The following POLR1B variants were observed in gnomAD, a reference collection of about 807,000 sequenced individuals.
POLR1B encodes RNA polymerase I subunit B, also known as DNA-directed RNA polymerase I subunit RPA2.
Under a neutral mutation model 105.8 loss-of-function variants are expected in POLR1B, and 30 were observed. That is an observed-to-expected ratio of 0.28 (90% CI 0.21 to 0.38). The LOEUF (loss-of-function observed/expected upper bound fraction) is 0.38, where lower values mean the gene tolerates loss of function less well. Ranked by LOEUF, POLR1B falls within the 10% of genes least tolerant of loss-of-function variation. POLR1B has a pLI of 1.00. For missense variants in POLR1B, 976 were observed against 1,435.8 expected, an observed-to-expected ratio of 0.68 and a Z score of 5.17; for synonymous variants, 485 against 505.1, an observed-to-expected ratio of 0.96 and a Z score of 0.53.
intron 12 of POLR1B, among the ~76,000 whole-genome samples, chr2:112,569,245 C>T (rs372017622): frequency 4.6e-5 from 7 of 152,118 alleles, no homozygotes; most frequent in Non-Finnish European, 7.4e-5. Context: ...TATAGTCACC[C>T]GCATATTTAT....
chr2:112,567,092 T>C (rs1332922203), intron 10 of POLR1B, among the ~76,000 whole-genome samples: 1 of 152,162 alleles, frequency 6.6e-6, no homozygotes, highest in Non-Finnish European at 1.5e-5. Context: ...TCTGCTCTCT[T>C]AGTAAATTTC....
rs529252659 is a variant in POLR1B at position 112,574,868 on chromosome 2, G to T, written c.2547G>T (p.Val849=). Residue 849 remains valine, a synonymous_variant, in exon 15 of 15, where the codon GTG becomes GTT. Coordinates refer to ENST00000263331, the MANE Select transcript of POLR1B (RefSeq NM_019014.6). ...MYYKSKENCV[V]DNIKVCSNDT... ...CTAGGAGTAAAGAAAATTGTGTTGT[G>T]GATAACATCAAAGTGTGCAGTAATG... 4 of 1,610,412 alleles carry T rather than the reference G, an allele frequency of 2.5e-6. No homozygotes were observed. The East Asian group carries it at 8.9e-5, about 36-fold the overall frequency.
At chr2:112,563,115 C>T (rs1412581382) in intron 9 of POLR1B, among the ~76,000 whole-genome samples, 4 of 147,872 alleles carry the variant, frequency 2.7e-5, no homozygotes, top group Admixed American at 1.4e-4. Flanking sequence ...AGTGCAGTGG[C>T]GTGATCTCGG....
In POLR1B at chr2:112,552,692, T is replaced by C. The variant is rs745461866; in HGVS notation, c.1034T>C (p.Met345Thr). 1.2e-6 allele frequency: 2 copies of C among 1,610,768 alleles called. No individual in the cohort carries two copies. Among genetic ancestry groups the C allele is most frequent in the African/African-American group, 1.3e-5 (1 of 74,706 alleles). ...AAATCCAATACTGAAAAGTTTTATA[T>C]GCTTTGTCTCATGACGCGAAAGCTC... is the stretch of plus-strand genomic sequence containing the variant. Reference protein sequence around the residue: ...HLKSNTEKFYMLCLMTRKLFA... With the variant: ...HLKSNTEKFYTLCLMTRKLFA... Residue 345 changes from methionine (M) to threonine (T), a missense_variant, in exon 7 of 15, where the codon ATG (methionine) becomes ACG (threonine). Met to Thr is a moderately conservative substitution (Grantham distance 81, BLOSUM62 -1). Around this residue, in one of 12 missense-constraint regions of POLR1B, gnomAD observed 452 missense variants for 616.5 expected, o/e 0.73. Transcript: ENST00000263331.
chr2:112,547,150 C>G lies in POLR1B; in HGVS notation c.316C>G (p.Arg106Gly). Reference protein sequence around the residue: ...ANVYPAECRGRRSTYRGKLTA... With the variant: ...ANVYPAECRGGRSTYRGKLTA... ...TGTTTATCCAGCAGAATGCCGGGGC[C>G]GAAGGAGTACCTACCGTGGGAAGTT... Residue 106 changes from arginine (R) to glycine (G), a missense_variant, in exon 2 of 15, where the codon CGA (arginine) becomes GGA (glycine). By Grantham distance (125) the Arg-to-Gly change is moderately radical. Transcript: ENST00000263331. 1 of 1,614,054 alleles carries G rather than the reference C, an allele frequency of 6.2e-7. No homozygotes were observed. The highest frequency in any genetic ancestry group is 8.5e-7 in the Non-Finnish European group (1 of 1,180,012).
chr2:112,571,750 T>C (rs199902824), intron 12 of POLR1B, among the ~76,000 whole-genome samples: 1 of 152,212 alleles, frequency 6.6e-6, no homozygotes, highest in East Asian at 1.9e-4. Flanking sequence ...CCAGTAAGAT[T>C]GTGGGTTTCT....
chr2:112,542,617 G>T lies in POLR1B; in HGVS notation c.123G>T (p.Ala41=). ...QKAALQELTR[A]HVESFNYAVH... ...CAGCGTTGCAGGAGCTGACGCGGGC[G>T]CACGTGGAGTCCTTCAACTACGCTG... Residue 41 remains alanine, a synonymous_variant, in exon 1 of 15, where the codon GCG becomes GCT. Coordinates refer to ENST00000263331, the MANE Select transcript of POLR1B (RefSeq NM_019014.6). 6.2e-7 allele frequency: 1 copy of T among 1,614,144 alleles called. No individual in the cohort carries two copies. The highest frequency in any genetic ancestry group is 8.5e-7 in the Non-Finnish European group (1 of 1,180,032).
intron 1 of POLR1B, among the ~76,000 whole-genome samples, chr2:112,543,488 A>T (rs1408348572): frequency 6.6e-6 from 1 of 152,164 alleles, no homozygotes; most frequent in East Asian, 1.9e-4. Flanking sequence ...GAGTTTGAGA[A>T]AGGGCAGGAT....
Position 112,577,010 on chromosome 2 carries a change from T to C in POLR1B, c.*1281T>C, listed in dbSNP as rs2104588321. On this transcript the variant is annotated 3_prime_UTR_variant, in exon 15 of 15. Transcript: ENST00000263331. ...TATTGTATGGATTTACCATCCCCTG[T>C]GTATTTAAGTTGTTCCATTCTTTGG... The C allele has an allele frequency of 6.6e-6, 1 of 152,384 alleles. No homozygotes were observed. The highest frequency in any genetic ancestry group is 2.4e-5 in the African/African-American group (1 of 41,584). The allele number at this position is 152,384 out of a possible 1,614,324, so 9.4% of individuals were successfully genotyped here.
rs1455719179 is a variant in POLR1B, at chr2:112,573,691, C to G, written c.2401C>G (p.Pro801Ala). ...GGTGTTTGGCATCAAACCTGGTGAC[C>G]CACGCGTTCTGCAGAAGTTAGATGA... ...SLVFGIKPGDPRVLQKLDDDG... is the reference protein window; with the variant it reads ...SLVFGIKPGDARVLQKLDDDG... The change falls in exon 14 of 15, where the codon CCA becomes GCA. Residue 801 changes from proline (P) to alanine (A), a missense_variant. Physicochemically the swap from Pro to Ala is conservative, Grantham distance 27 (BLOSUM62 -1). Coordinates refer to ENST00000263331, the MANE Select transcript of POLR1B (RefSeq NM_019014.6). 1 of 1,614,124 alleles carries G rather than the reference C, an allele frequency of 6.2e-7. No homozygotes were observed. The highest frequency in any genetic ancestry group is 1.7e-5 in the Admixed American group (1 of 60,018).
In POLR1B at chr2:112,552,764, T is replaced by C. The variant is rs772158045; in HGVS notation, c.1106T>C (p.Leu369Ser). 1 of 1,609,660 alleles carries C rather than the reference T, an allele frequency of 6.2e-7. No individual in the cohort carries two copies. Among genetic ancestry groups the C allele is most frequent in the East Asian group, 2.2e-5 (1 of 44,706 alleles). The change falls in exon 7 of 15, where the codon TTG becomes TCG. Residue 369 changes from leucine (L) to serine (S), a missense_variant. Leu to Ser is a moderately radical substitution (Grantham distance 145). Coordinates refer to ENST00000263331, the MANE Select transcript of POLR1B (RefSeq NM_019014.6). ...TGCATGGAGGACAATCCTGATAGTT[T>C]GGTGAACCAGGAAGTCCTCACACCG... ...GECMEDNPDS[L>S]VNQEVLTPGQ... is the part of the protein sequence containing the mutation.
intron 7 of POLR1B, among the ~76,000 whole-genome samples, chr2:112,554,371 G>T (rs1045980795): frequency 6.6e-6 from 1 of 152,008 alleles, no homozygotes; most frequent in African/African-American, 2.4e-5. Context: ...GACCTCAAGT[G>T]AGCCACCCAC....
rs752270399 is a variant in POLR1B at position 112,576,396 on chromosome 2, TAAC to T, written c.*670_*672del. ...ACACTTAACTCAAGACCTACCCTCT[TAAC>T]AAATCTTTAAGTGCACGATATAGTA... is the stretch of plus-strand genomic sequence containing the variant. On this transcript the variant is annotated 3_prime_UTR_variant, in exon 15 of 15. Coordinates refer to ENST00000263331, the MANE Select transcript of POLR1B (RefSeq NM_019014.6). 2 of 152,264 alleles carry T rather than the reference TAAC, an allele frequency of 1.3e-5. No homozygotes were observed. The highest frequency in any genetic ancestry group is 2.9e-5 in the Non-Finnish European group (2 of 68,076). 9.4% of individuals were successfully genotyped at this position (152,264 alleles called of 1,614,324 possible). A position where few individuals can be genotyped will look rare whatever the true frequency, so the allele number is the denominator to read the frequency against.
In POLR1B at chr2:112,561,411, C is replaced by G. The variant is rs373475279; in HGVS notation, c.1612+1837C>G. Among the ~76,000 whole-genome samples, 6 of 151,990 alleles carry G rather than the reference C, an allele frequency of 3.9e-5. No homozygotes were observed. In the South Asian group the frequency reaches 1.2e-3, roughly 31 times the overall value. Reference sequence around the variant, plus strand: ...CACGAGGCAGGTAACTTCTGACACTCTAACAAACACTTGATGTCTTCAGAA... The same window carrying G: ...CACGAGGCAGGTAACTTCTGACACTGTAACAAACACTTGATGTCTTCAGAA... On this transcript the variant is annotated intron_variant, in intron 9 of 14. Coordinates refer to ENST00000263331, the MANE Select transcript of POLR1B (RefSeq NM_019014.6).
chr2:112,553,084 A>G (rs1359008399), intron 7 of POLR1B, among the ~76,000 whole-genome samples: 2 of 152,222 alleles, frequency 1.3e-5, no homozygotes, highest in Non-Finnish European at 2.9e-5. Context: ...GTATTTATAC[A>G]TATGGTTGAT....
In POLR1B at chr2:112,573,793, G is replaced by A; in HGVS notation, c.2503G>A (p.Glu835Lys). 1 of 1,613,954 alleles carries A rather than the reference G, an allele frequency of 6.2e-7. No individual in the cohort carries two copies. Among genetic ancestry groups the A allele is most frequent in the Admixed American group, 1.7e-5 (1 of 59,986 alleles). ...CAGCTACCTCAACCTCAACACCGGG[G>A]AAAGTTTTGTGATGTACTATAAGTA... ...YYSYLNLNTG[E>K]SFVMYYKSKE... is the part of the protein sequence containing the mutation. The change falls in exon 14 of 15, where the codon GAA (glutamate) becomes AAA (lysine). Residue 835 changes from glutamate to lysine, a missense_variant. Around this residue, in one of 12 missense-constraint regions of POLR1B, gnomAD observed 119 missense variants for 149.7 expected, o/e 0.79. Coordinates refer to ENST00000263331, the MANE Select transcript of POLR1B (RefSeq NM_019014.6).
In POLR1B at chr2:112,564,504, G is replaced by C. The variant is rs779568585; in HGVS notation, c.1746+5G>C. 3.2e-5 allele frequency: 51 copies of C among 1,614,098 alleles called. No individual in the cohort carries two copies. Among genetic ancestry groups the C allele is most frequent in the Non-Finnish European group, 4.2e-5 (50 of 1,180,024 alleles). ...GATTCTCTTCGTCATTTTAAGGTGG[G>C]CTTGAGGCTTTGTGAATTGTCCTAT... On this transcript the variant is annotated splice_donor_5th_base_variant and intron_variant, in intron 10 of 14. Coordinates refer to ENST00000263331, the MANE Select transcript of POLR1B (RefSeq NM_019014.6).
intron 4 of POLR1B, 108 bp downstream of exon 4, chr2:112,549,507 T>C: frequency 1.1e-6 from 1 of 897,382 alleles, no homozygotes; most frequent in African/African-American, 1.7e-5. Context: ...TTCTTTTTTT[T>C]TTTTTTTTTG....
At chr2:112,557,426 T>G (rs1683717529) in intron 7 of POLR1B, among the ~76,000 whole-genome samples, 1 of 152,170 alleles carries the variant, frequency 6.6e-6, no homozygotes, top group African/African-American at 2.4e-5. Context: ...GTATAATGGG[T>G]GAAGGAGGGC....
Sources: gnomAD v4.1 joint callset for allele counts (sites outside exome capture counted in the v4.1 genomes callset) on GRCh38, gnomAD v4.1.1 for gene constraint, gnomAD v4.1.1 regional missense constraint, MANE v1.5 for transcripts, NCBI Gene and HGNC (gene_info 2026-07-23, HGNC 2026-07-21) for gene names.